The following BOC variants were observed in gnomAD, a reference collection of about 807,000 sequenced individuals.
BOC encodes the protein brother of CDO.
Under a neutral mutation model 112.0 loss-of-function variants are expected in BOC, and 76 were observed. That is an observed-to-expected ratio of 0.68 (90% CI 0.56 to 0.82). The LOEUF is 0.82. Among genes scored for constraint, BOC ranks in the 40% least tolerant of loss-of-function variants. BOC has a pLI of 0.00. For missense variants in BOC, 1,309 were observed against 1,511.7 expected (o/e 0.87, Z 2.22); for synonymous variants, 580 against 599.8 (o/e 0.97, Z 0.48).
In BOC at chr3:113,274,443, C is replaced by T. The variant is rs150117948; in HGVS notation, c.1303C>T (p.Leu435Phe). 1.2e-6 allele frequency: 2 copies of T among 1,601,722 alleles called. No homozygotes were observed. Among genetic ancestry groups the T allele is most frequent in the African/African-American group, 2.7e-5 (2 of 74,718 alleles). The change falls in exon 9 of 20, where the codon CTC (leucine) becomes TTC (phenylalanine). Residue 435 changes from leucine to phenylalanine, a missense_variant. Physicochemically the swap from Leu to Phe is conservative, Grantham distance 22 (BLOSUM62 0). Transcript: ENST00000682979. This position sits in a 1 kb window ranked among gnomAD's most constrained non-coding sequence, Gnocchi z 4.8. ...CACACCTCCTGTATCACCCTCCAAA[C>T]TCGGCAACCCTGAGCAGATGCTGAG... The part of the protein sequence containing the change: ...TGTPPVSPSK[L>F]GNPEQMLRGQ...
At chr3:113,271,143 A>G in intron 6 of BOC, 199 bp downstream of exon 6, 1 of 747,622 alleles carries the variant, frequency 1.3e-6, no homozygotes, top group Non-Finnish European at 2.3e-6. Context: ...AGCATCTCAC[A>G]GCACACAGCA....
chr3:113,275,839 A>G (rs77680266), intron 9 of BOC, among the ~76,000 whole-genome samples: 4,989 of 151,988 alleles, frequency 0.033, 153 homozygotes, highest in East Asian at 0.099. Context: ...TTCCCCTTAC[A>G]TGCTCTCCTA....
chr3:113,233,214 T>A (rs1942951370), intron 2 of BOC, among the ~76,000 whole-genome samples: 1 of 145,444 alleles, frequency 6.9e-6, no homozygotes, highest in Non-Finnish European at 1.5e-5. Flanking sequence ...TGGAGCTGGC[T>A]TTGCCTGGCA....
At chr3:113,268,468 G>A in intron 5 of BOC, 23 bp downstream of exon 5, 3 of 1,610,926 alleles carry the variant, frequency 1.9e-6, no homozygotes, top group Non-Finnish European at 2.5e-6. Flanking sequence ...GAGCCCAGAG[G>A]CCAAGGCTGA....
At chr3:113,219,846 G>A (rs1940242624) in intron 2 of BOC, among the ~76,000 whole-genome samples, 1 of 152,150 alleles carries the variant, frequency 6.6e-6, no homozygotes, top group African/African-American at 2.4e-5. Flanking sequence ...CGCAGCTAGT[G>A]GTGAAAGCGA....
Position 113,233,145 on chromosome 3 carries a change from T to TGGGG in BOC, c.-81-16576_-81-16573dup, listed in dbSNP as rs1553725800. ...AAGCATGCATGAGCATGTAAAGGAT[T>TGGGG]GGGGTGTGTGTGTGTGTGTGTGTGT... On this transcript the variant is annotated intron_variant, in intron 2 of 19. Coordinates refer to ENST00000682979, the MANE Select transcript of BOC (RefSeq NM_001378074.1). Among the ~76,000 whole-genome samples the TGGGG allele has an allele frequency of 3.7e-3, 310 of 82,846 alleles. 2 individuals carry two copies. The highest frequency in any genetic ancestry group is 0.011 in the African/African-American group (278 of 25,026). The allele number at this position is 82,846 out of a possible 152,430, so 54.4% of individuals were successfully genotyped here.
At chr3:113,267,543 T>C (rs1030814127) in intron 4 of BOC, among the ~76,000 whole-genome samples, 1 of 152,132 alleles carries the variant, frequency 6.6e-6, no homozygotes, top group Non-Finnish European at 1.5e-5. Context: ...AGATTCCTCT[T>C]TGTCTTAGAA....
At chr3:113,255,253 C>T (rs893713566) in intron 4 of BOC, among the ~76,000 whole-genome samples, 4 of 150,898 alleles carry the variant, frequency 2.7e-5, no homozygotes, top group African/African-American at 7.3e-5. Flanking sequence ...GGCAGCCAAC[C>T]GCTCTACACA....
Position 113,279,841 on chromosome 3 carries a change from C to A in BOC, c.2041C>A (p.Arg681=). Residue 681 remains arginine, a synonymous_variant, in exon 13 of 20, where the codon CGA becomes AGA. Coordinates refer to ENST00000682979, the MANE Select transcript of BOC (RefSeq NM_001378074.1). ...CTCACCAGGCACCTCCTACAAGTTT[C>A]GAGTCCGGGCTCTGAACATGCTGGG... ...GLEKGTSYKF[R]VRALNMLGES... is the part of the protein sequence containing the mutation. The A allele has an allele frequency of 6.2e-7, 1 of 1,607,492 alleles. No homozygotes were observed. Among genetic ancestry groups the A allele is most frequent in the Middle Eastern group, 1.7e-4 (1 of 6,004 alleles).
intron 2 of BOC, among the ~76,000 whole-genome samples, chr3:113,225,291 A>T (rs1254501775): frequency 6.6e-6 from 1 of 152,080 alleles, no homozygotes; most frequent in African/African-American, 2.4e-5. Flanking sequence ...AACAACAAAA[A>T]AAAACCCCAA....
intron 4 of BOC, among the ~76,000 whole-genome samples, chr3:113,264,298 C>T (rs1001021308): frequency 1.3e-5 from 2 of 152,112 alleles, no homozygotes; most frequent in Admixed American, 6.5e-5. Flanking sequence ...AAGAAGGGTG[C>T]GAGGGGAGGG....
intron 2 of BOC, among the ~76,000 whole-genome samples, chr3:113,232,405 A>T (rs928740523): frequency 6.6e-6 from 1 of 152,206 alleles, no homozygotes; most frequent in African/African-American, 2.4e-5. Flanking sequence ...TTGAGAAAGG[A>T]AGGATTGGGG....
Position 113,270,964 on chromosome 3 carries a change from G to T in BOC, c.667+20G>T. Reference sequence around the variant, plus strand: ...TGCGCCGTAAGGCCCGGGCCCACCTGCTGGGGGATGGGGGATCACTGATGG... The same window carrying T: ...TGCGCCGTAAGGCCCGGGCCCACCTTCTGGGGGATGGGGGATCACTGATGG... On this transcript the variant is annotated intron_variant, in intron 6 of 19. Transcript: ENST00000682979. The T allele has an allele frequency of 6.2e-7, 1 of 1,613,966 alleles. No individual in the cohort carries two copies. The highest frequency in any genetic ancestry group is 8.5e-7 in the Non-Finnish European group (1 of 1,180,032).
At chr3:113,257,566 A>T (rs1219476591) in intron 4 of BOC, among the ~76,000 whole-genome samples, 1 of 149,522 alleles carries the variant, frequency 6.7e-6, no homozygotes, top group African/African-American at 2.6e-5. Context: ...TTTTTTCTCA[A>T]GATTTTTTTT....
chr3:113,279,843 A>C lies in BOC; in HGVS notation c.2043A>C (p.Arg681=). The change falls in exon 13 of 20, where the codon CGA becomes CGC. Residue 681 remains arginine, a synonymous_variant. Transcript: ENST00000682979. The part of the protein sequence containing the change: ...GLEKGTSYKF[R]VRALNMLGES... ...CACCAGGCACCTCCTACAAGTTTCGAGTCCGGGCTCTGAACATGCTGGGGG... is the reference window on the plus strand; with the variant it reads ...CACCAGGCACCTCCTACAAGTTTCGCGTCCGGGCTCTGAACATGCTGGGGG... 2 of 1,609,508 alleles carry C rather than the reference A, an allele frequency of 1.2e-6. No individual in the cohort carries two copies.
intron 2 of BOC, among the ~76,000 whole-genome samples, chr3:113,240,186 G>T (rs545234280): frequency 1.2e-4 from 18 of 152,184 alleles, no homozygotes; most frequent in African/African-American, 4.3e-4. Context: ...GGAAACTAGA[G>T]ATTGATGATG....
intron 4 of BOC, among the ~76,000 whole-genome samples, chr3:113,257,456 C>T (rs1946352760): frequency 6.6e-6 from 1 of 152,160 alleles, no homozygotes; most frequent in Non-Finnish European, 1.5e-5. Context: ...TGTCTCAGAG[C>T]AAAATTGTGG....
chr3:113,256,933 GTTC>G (rs756492975), intron 4 of BOC, among the ~76,000 whole-genome samples: 2 of 152,134 alleles, frequency 1.3e-5, no homozygotes, highest in Non-Finnish European at 2.9e-5. Flanking sequence ...TCTGTGTTGT[GTTC>G]TTCTCTGGAA....
In BOC at chr3:113,286,748, A is replaced by C; in HGVS notation, c.3234A>C (p.Gly1078=). ...DSPDSCQVSG[G]DWCPQHPVGA... ...CTGACTCCTGCCAAGTGAGTGGAGGAGACTGGTGTCCCCAGCACCCCGTAG... is the reference window on the plus strand; with the variant it reads ...CTGACTCCTGCCAAGTGAGTGGAGGCGACTGGTGTCCCCAGCACCCCGTAG... The change falls in exon 20 of 20, where the codon GGA becomes GGC. Residue 1078 remains glycine, a synonymous_variant. Coordinates refer to ENST00000682979, the MANE Select transcript of BOC (RefSeq NM_001378074.1). 2 of 1,613,830 alleles carry C rather than the reference A, an allele frequency of 1.2e-6. No individual in the cohort carries two copies. The highest frequency in any genetic ancestry group is 1.7e-6 in the Non-Finnish European group (2 of 1,179,834).
Sources: gnomAD v4.1 joint callset for allele counts (sites outside exome capture counted in the v4.1 genomes callset) on GRCh38, gnomAD v4.1.1 for gene constraint, Gnocchi (gnomAD v3.1) non-coding constraint, MANE v1.5 for transcripts, NCBI Gene and HGNC (gene_info 2026-07-23, HGNC 2026-07-21) for gene names.